ZFYVE28: variants seen among roughly 807,000 people sequenced by gnomAD.
ZFYVE28 encodes lateral signaling target protein 2 homolog.
A neutral mutation model predicts 82.1 loss-of-function variants in ZFYVE28; 40 were observed. That is an observed-to-expected ratio of 0.49 (90% CI 0.38 to 0.63). ZFYVE28 has a LOEUF of 0.63. ZFYVE28 is among the 30% of genes least tolerant of loss of function. The pLI is 0.00. For missense variants in ZFYVE28, 1,321 were observed against 1,242.1 expected (o/e 1.06, Z -0.96); for synonymous variants, 612 against 546.1 (o/e 1.12, Z -1.68).
At chr4:2,272,080 C>T (rs532879402) in intron 10 of ZFYVE28, among the ~76,000 whole-genome samples, 2 of 152,342 alleles carry the variant, frequency 1.3e-5, no homozygotes, top group African/African-American at 4.8e-5. Context: ...AGGACTGCAG[C>T]TCACAACCTC....
intron 4 of ZFYVE28, 43 bp from the exon 5 acceptor site, chr4:2,337,539 G>A (rs925567625): frequency 5.9e-6 from 9 of 1,532,312 alleles, no homozygotes; most frequent in East Asian, 4.8e-5. Context: ...CTGGGCTGTG[G>A]CGGGGCCCCT....
chr4:2,357,816 G>T (rs1435984334), intron 1 of ZFYVE28, among the ~76,000 whole-genome samples: 1 of 152,136 alleles, frequency 6.6e-6, no homozygotes, highest in Non-Finnish European at 1.5e-5. Flanking sequence ...CACGAGCAGG[G>T]GCCACGCAGA....
At chr4:2,290,736 C>T (rs1193009940) in intron 8 of ZFYVE28, among the ~76,000 whole-genome samples, 2 of 152,132 alleles carry the variant, frequency 1.3e-5, no homozygotes, top group Admixed American at 6.5e-5. Context: ...GGCCAGGCAT[C>T]GCCTTGGGGT....
At chr4:2,344,509 A>G (rs1337112689) in intron 2 of ZFYVE28, among the ~76,000 whole-genome samples, 5 of 152,240 alleles carry the variant, frequency 3.3e-5, no homozygotes, top group Non-Finnish European at 7.3e-5. Context: ...CTAAGTAACT[A>G]AACTACATCA....
At chr4:2,370,842 G>T (rs1358258338) in intron 1 of ZFYVE28, among the ~76,000 whole-genome samples, 1 of 152,228 alleles carries the variant, frequency 6.6e-6, no homozygotes, top group Non-Finnish European at 1.5e-5. Flanking sequence ...CTCTCTGACT[G>T]CCCTCAGGAG....
In ZFYVE28 at chr4:2,299,458, A is replaced by G. The variant is rs115336898; in HGVS notation, c.2051+4831T>C. On this transcript the variant is annotated intron_variant, in intron 8 of 12. Transcript: ENST00000290974. ...ATTCTACTTCTAAGGACCAATTCTA[A>G]AGAAATAATCCAAGGCTGGGCACAG... Among the ~76,000 whole-genome samples, 361 of 149,894 alleles carry G rather than the reference A, an allele frequency of 2.4e-3. 2 individuals carry two copies. Among genetic ancestry groups the G allele is most frequent in the African/African-American group, 8.3e-3 (337 of 40,520 alleles).
Position 2,337,393 on chromosome 4 carries a change from A to T in ZFYVE28, c.611+14T>A. 1 of 1,590,844 alleles carries T rather than the reference A, an allele frequency of 6.3e-7. No individual in the cohort carries two copies. The highest frequency in any genetic ancestry group is 8.6e-7 in the Non-Finnish European group (1 of 1,167,646). ...CAGATGCTGCCCCCAGCCCCTAAGCATCCCTGTGCTCACCTCTCCACCGTC... is the reference window on the plus strand; with the variant it reads ...CAGATGCTGCCCCCAGCCCCTAAGCTTCCCTGTGCTCACCTCTCCACCGTC... On this transcript the variant is annotated intron_variant, in intron 5 of 12. Transcript: ENST00000290974.
chr4:2,365,575 G>A (rs1726788217), intron 1 of ZFYVE28, among the ~76,000 whole-genome samples: 1 of 152,030 alleles, frequency 6.6e-6, no homozygotes, highest in South Asian at 2.1e-4. Flanking sequence ...ACCCTTTGGT[G>A]GGAGCCCTGA....
chr4:2,293,550 G>A (rs1195241803), intron 8 of ZFYVE28, among the ~76,000 whole-genome samples: 2 of 151,978 alleles, frequency 1.3e-5, no homozygotes, highest in African/African-American at 4.8e-5. Context: ...TCAGGAGATC[G>A]AGACCATCCT....
At chr4:2,403,921 A>G (rs547264685) in intron 1 of ZFYVE28, among the ~76,000 whole-genome samples, 20 of 149,738 alleles carry the variant, frequency 1.3e-4, no homozygotes, top group Non-Finnish European at 2.2e-4. Flanking sequence ...GCGAGCAGAT[A>G]TTGCGCCATT....
intron 1 of ZFYVE28, among the ~76,000 whole-genome samples, chr4:2,369,839 T>TTTATTTTATTTTATTTA (rs1553857150): frequency 7.9e-5 from 11 of 139,684 alleles, no homozygotes; most frequent in Admixed American, 1.5e-4. Context: ...AGGGATTTTT[T>TTTATTTTATTTTATTTA]TTTTTCTTTT....
chr4:2,369,296 CT>C (rs1727239816), intron 1 of ZFYVE28, among the ~76,000 whole-genome samples: 2 of 152,320 alleles, frequency 1.3e-5, no homozygotes, highest in African/African-American at 2.4e-5. Context: ...AGGGTCCCCC[CT>C]GCCACAGCCA....
intron 5 of ZFYVE28, among the ~76,000 whole-genome samples, chr4:2,337,198 G>A (rs1721962380): frequency 6.6e-6 from 1 of 152,032 alleles, no homozygotes; most frequent in African/African-American, 2.4e-5. Flanking sequence ...AAGGGGGCCG[G>A]GCAGAGGTAA....
At chr4:2,410,725 G>C (rs1426588898) in intron 1 of ZFYVE28, among the ~76,000 whole-genome samples, 1 of 152,082 alleles carries the variant, frequency 6.6e-6, no homozygotes, top group African/African-American at 2.4e-5. Flanking sequence ...TCAATCTCCT[G>C]ACCTCGTGAT....
intron 8 of ZFYVE28, among the ~76,000 whole-genome samples, chr4:2,281,919 G>A (rs1431700518): frequency 2.6e-5 from 4 of 152,214 alleles, no homozygotes; most frequent in Non-Finnish European, 5.9e-5. Flanking sequence ...AAGTGAGCTG[G>A]TGCCCAGCGG....
Position 2,290,628 on chromosome 4 carries a change from G to A in ZFYVE28, c.2051+13661C>T, listed in dbSNP as rs753605461. Among the ~76,000 whole-genome samples the A allele has an allele frequency of 9.9e-5, 15 of 152,206 alleles. No individual in the cohort carries two copies. The East Asian group carries it at 1.7e-3, about 18-fold the overall frequency. ...CCCTGGCCCCAGAGCAGCTGCTGAC[G>A]TCCACGGCTCACCAGGTCCTTCAAG... On this transcript the variant is annotated intron_variant, in intron 8 of 12. Transcript: ENST00000290974.
At chr4:2,377,264 G>A (rs1340937214) in intron 1 of ZFYVE28, among the ~76,000 whole-genome samples, 2 of 151,580 alleles carry the variant, frequency 1.3e-5, no homozygotes, top group African/African-American at 2.4e-5. Context: ...CTTGTGATCC[G>A]CCCGCCTCGG....
At chr4:2,274,276 C>G (rs967137429) in intron 8 of ZFYVE28, 60 bp from the exon 9 acceptor site, 5 of 1,567,318 alleles carry the variant, frequency 3.2e-6, no homozygotes, top group South Asian at 2.3e-5. Flanking sequence ...CCGTGGAGCC[C>G]GAAGGTCACT....
rs560391171 is a variant in ZFYVE28, at chr4:2,410,540, G to A, written c.39+7745C>T. On this transcript the variant is annotated intron_variant, in intron 1 of 12. Coordinates refer to ENST00000290974, the MANE Select transcript of ZFYVE28 (RefSeq NM_020972.3). The stretch of plus-strand genomic sequence containing the variant: ...AGATAGAGTCTCGCTCTGTTGCCCA[G>A]GCTGGAGTGCAGTGGCACCATCTCG... 3.4e-5 allele frequency among the ~76,000 whole-genome samples: 5 copies of A among 149,020 alleles called. No individual in the cohort carries two copies. In the South Asian group the frequency reaches 1.1e-3, roughly 32 times the overall value.
Sources: allele counts gnomAD v4.1 joint callset (sites outside exome capture counted in the v4.1 genomes callset), GRCh38; gene constraint gnomAD v4.1.1; transcripts MANE v1.5; gene names NCBI Gene and HGNC (gene_info 2026-07-23, HGNC 2026-07-21).